The following ATIC variants were observed in gnomAD, a reference collection of about 807,000 sequenced individuals.
ATIC encodes the protein bifunctional purine biosynthesis protein ATIC.
A neutral mutation model predicts 72.5 loss-of-function variants in ATIC; 64 were observed. That is an observed-to-expected ratio of 0.88 (90% CI 0.72 to 1.09). ATIC has a LOEUF of 1.09. Ranked by LOEUF, ATIC falls within the 50% of genes least tolerant of loss-of-function variation. ATIC has a pLI of 0.00. For synonymous variants in ATIC, 281 were observed against 267.1 expected (o/e 1.05, Z -0.51); for missense variants, 787 against 732.4 (o/e 1.07, Z -0.86).
chr2:215,328,546 C>T (rs1353066828), intron 7 of ATIC, among the ~76,000 whole-genome samples: 1 of 152,066 alleles, frequency 6.6e-6, no homozygotes, highest in Admixed American at 6.6e-5. Context: ...TCCCTCTGCC[C>T]TTCACCGTCC....
chr2:215,342,202 T>C (rs1426806662), intron 12 of ATIC, among the ~76,000 whole-genome samples: 1 of 152,228 alleles, frequency 6.6e-6, no homozygotes, highest in Non-Finnish European at 1.5e-5. Context: ...TAGACATCTA[T>C]GAAGCTGGCT....
At chr2:215,357,530 T>C in the ATIC span, among the ~76,000 whole-genome samples, 10 of 152,236 alleles carry the variant, frequency 6.6e-5, no homozygotes, top group Non-Finnish European at 1.5e-4. Context: ...TAATATCTCA[T>C]ACCTGACTCT....
chr2:215,323,148 T>C (rs1379559621), intron 4 of ATIC, among the ~76,000 whole-genome samples: 1 of 152,280 alleles, frequency 6.6e-6, no homozygotes, highest in South Asian at 2.1e-4. Context: ...GGTTTCACCG[T>C]GTTCGCCAGG....
At chr2:215,363,074 GT>G in the ATIC span, 1 of 152,118 alleles carries the variant, frequency 6.6e-6, no homozygotes, top group African/African-American at 2.4e-5. Flanking sequence ...ATATTTCTCT[GT>G]TTAAGCACAT....
Position 215,338,906 on chromosome 2 carries a change from A to T in ATIC, c.1226A>T (p.Asp409Val). ...LFSNVVTKNK[D>V]LPESALRDLI... Reference sequence around the variant, plus strand: ...AGCAATGTTGTTACCAAAAATAAAGATGTAAGTTGGGAAGTATCTGAACTG... The same window carrying T: ...AGCAATGTTGTTACCAAAAATAAAGTTGTAAGTTGGGAAGTATCTGAACTG... Residue 409 changes from aspartate to valine, a missense_variant and splice_region_variant, in exon 12 of 16, where the codon GAT becomes GTT. Asp to Val is a radical substitution (Grantham distance 152). Transcript: ENST00000236959. The T allele has an allele frequency of 1.2e-6, 2 of 1,613,234 alleles. No homozygotes were observed. The highest frequency in any genetic ancestry group is 1.7e-4 in the Middle Eastern group (1 of 6,058).
Position 215,346,956 on chromosome 2 carries a change from A to C in ATIC, c.1503+15A>C. ...CCATTGGCGAGGTGAAAGACTTGGC[A>C]TTGGGTTCTCGGCTGTGTTAATATT... On this transcript the variant is annotated intron_variant, in intron 14 of 15. Coordinates refer to ENST00000236959, the MANE Select transcript of ATIC (RefSeq NM_004044.7). The C allele has an allele frequency of 6.2e-7, 1 of 1,614,066 alleles. No individual in the cohort carries two copies. The highest frequency in any genetic ancestry group is 8.5e-7 in the Non-Finnish European group (1 of 1,179,906).
At chr2:215,366,645 C>T in the ATIC span, among the ~76,000 whole-genome samples, 1 of 152,158 alleles carries the variant, frequency 6.6e-6, no homozygotes, top group Non-Finnish European at 1.5e-5. Context: ...TAACAATATA[C>T]TACTTTTTCC....
At chr2:215,353,742 A>G (rs1270328703), downstream of ATIC, among the ~76,000 whole-genome samples, 1 of 151,956 alleles carries the variant, frequency 6.6e-6, no homozygotes, top group Non-Finnish European at 1.5e-5. Context: ...TTGTACTTTT[A>G]GTAGAGATGG....
chr2:215,366,255 C>T, the ATIC span, among the ~76,000 whole-genome samples: 2 of 152,088 alleles, frequency 1.3e-5, no homozygotes, highest in Non-Finnish European at 2.9e-5. Flanking sequence ...CATTTGAATT[C>T]TCACTATTAA....
At chr2:215,363,781 A>G in the ATIC span, 1 of 152,178 alleles carries the variant, frequency 6.6e-6, no homozygotes, top group Non-Finnish European at 1.5e-5. Context: ...ACATAATTTC[A>G]TTTTGAAATT....
At chr2:215,351,207 T>C (rs4672769), downstream of ATIC, among the ~76,000 whole-genome samples, 152,099 of 152,326 alleles carry the variant, frequency 1, 75,936 homozygotes, top group Middle Eastern at 1. Context: ...GAGTGAGCCA[T>C]CTCAGAGGTG....
chr2:215,345,715 T>C (rs957490857), intron 13 of ATIC: 1 of 152,298 alleles, frequency 6.6e-6, no homozygotes, highest in Non-Finnish European at 1.5e-5. Context: ...CCTGGGAGAT[T>C]GTGTCTACTG....
rs147725232 is a variant in ATIC at position 215,346,848 on chromosome 2, T to A, written c.1410T>A (p.His470Gln). ...CAAACTATTGGTGGCTTAGACACCA[T>A]CCACAAGTGCTTTCGATGAAGTTTA... ...DKANYWWLRHHPQVLSMKFKT... is the reference protein window; with the variant it reads ...DKANYWWLRHQPQVLSMKFKT... The change falls in exon 14 of 16, where the codon CAT becomes CAA. Residue 470 changes from histidine to glutamine, a missense_variant. Physicochemically the swap from His to Gln is conservative, Grantham distance 24. Coordinates refer to ENST00000236959, the MANE Select transcript of ATIC (RefSeq NM_004044.7). 83 of 1,614,174 alleles carry A rather than the reference T, an allele frequency of 5.1e-5. No homozygotes were observed. The East Asian group carries it at 7.6e-4, about 15-fold the overall frequency.
At chr2:215,314,227 A>G (rs1275465901) in intron 2 of ATIC, among the ~76,000 whole-genome samples, 1 of 152,216 alleles carries the variant, frequency 6.6e-6, no homozygotes, top group Non-Finnish European at 1.5e-5. Context: ...GAAGTTCACC[A>G]TGAGTGATTT....
chr2:215,358,437 A>G, the ATIC span, among the ~76,000 whole-genome samples: 1 of 152,090 alleles, frequency 6.6e-6, no homozygotes, highest in Non-Finnish European at 1.5e-5. Context: ...AAAACGGCAA[A>G]AGATCTTTGG....
intron 12 of ATIC, among the ~76,000 whole-genome samples, chr2:215,340,788 C>T (rs2053010762): frequency 6.6e-6 from 1 of 152,164 alleles, no homozygotes; most frequent in Non-Finnish European, 1.5e-5. Context: ...TCCTCTAAGA[C>T]TGCCAAAAGT....
In ATIC at chr2:215,326,913, A is replaced by G. The variant is rs149917863; in HGVS notation, c.623A>G (p.Tyr208Cys). Residue 208 changes from tyrosine to cysteine, a missense_variant, in exon 7 of 16, where the codon TAT becomes TGT. Transcript: ENST00000236959. ...GGCGTATCTCAGATGCCCTTGAGATATGGAATGAACCCACATCAGACCCCT... is the reference window on the plus strand; with the variant it reads ...GGCGTATCTCAGATGCCCTTGAGATGTGGAATGAACCCACATCAGACCCCT... ...SKGVSQMPLRYGMNPHQTPAQ... is the reference protein window; with the variant it reads ...SKGVSQMPLRCGMNPHQTPAQ... The G allele has an allele frequency of 3.7e-6, 6 of 1,614,042 alleles. No homozygotes were observed. Among genetic ancestry groups the G allele is most frequent in the East Asian group, 4.5e-5 (2 of 44,888 alleles).
At chr2:215,336,152 A>G (rs773407209) in intron 11 of ATIC, 28 bp downstream of exon 11, 24 of 1,524,394 alleles carry the variant, frequency 1.6e-5, no homozygotes, top group Non-Finnish European at 2.2e-5. Context: ...TTGAAGCGGT[A>G]ATTTGCTCTT....
the ATIC span, among the ~76,000 whole-genome samples, chr2:215,367,398 C>T: frequency 0.71 from 107,893 of 152,054 alleles, 38,699 homozygotes; most frequent in East Asian, 1. Context: ...ATGTGTGTGA[C>T]GCAAAAGTGT....
Sources: gnomAD v4.1 joint callset for allele counts (sites outside exome capture counted in the v4.1 genomes callset) on GRCh38, gnomAD v4.1.1 for gene constraint, MANE v1.5 for transcripts, NCBI Gene and HGNC (gene_info 2026-07-23, HGNC 2026-07-21) for gene names.